The following SLC47A1 variants were observed in gnomAD, a reference collection of about 807,000 sequenced individuals.
SLC47A1 encodes the protein multidrug and toxin extrusion protein 1.
In SLC47A1, 58 loss-of-function variants were observed where a neutral mutation model predicts 65.8. The observed-to-expected ratio is 0.88, with a 90% CI of 0.71 to 1.10. The LOEUF (loss-of-function observed/expected upper bound fraction) is 1.10, where lower values mean the gene tolerates loss of function less well. Ranked by LOEUF, SLC47A1 falls within the 50% of genes least tolerant of loss-of-function variation. The pLI is 0.00. For missense variants in SLC47A1, 706 were observed against 719.2 expected, an observed-to-expected ratio of 0.98 and a Z score of 0.21; for synonymous variants, 285 against 295.0, an observed-to-expected ratio of 0.97 and a Z score of 0.35.
At position 19,549,683 on chromosome 17, in the gene SLC47A1, T is replaced by G; in HGVS notation, c.498+6T>G. 6.2e-7 allele frequency: 1 copy of G among 1,614,160 alleles called. No individual in the cohort carries two copies. The highest frequency in any genetic ancestry group is 8.5e-7 in the Non-Finnish European group (1 of 1,179,970). On this transcript the variant is annotated splice_donor_region_variant and intron_variant, in intron 5 of 16. Transcript: ENST00000270570. ...TCTTCATTCCAGCTCTTCCTGTAAG[T>G]GCTCAAGGGCTAAGAGATTCCCTTC... is the stretch of plus-strand genomic sequence containing the variant.
At chr17:19,571,594 C>A in intron 15 of SLC47A1, 22 bp downstream of exon 15, 2 of 1,584,420 alleles carry the variant, frequency 1.3e-6, no homozygotes, top group Non-Finnish European at 1.7e-6. Flanking sequence ...CATTCTGTCC[C>A]GGTAAAGGTT....
At chr17:19,554,430 T>C (rs1006647640) in intron 6 of SLC47A1, among the ~76,000 whole-genome samples, 15 of 152,014 alleles carry the variant, frequency 9.9e-5, no homozygotes, top group Admixed American at 7.9e-4. Context: ...GAGAGTGGGG[T>C]GTTTTCTTTT....
In SLC47A1 at chr17:19,560,288, T is replaced by C; in HGVS notation, c.1022T>C (p.Leu341Pro). The C allele has an allele frequency of 6.2e-7, 1 of 1,613,642 alleles. No individual in the cohort carries two copies. Residue 341 changes from leucine (L) to proline (P), a missense_variant, in exon 11 of 17, where the codon CTG becomes CCG. Transcript: ENST00000270570. ...CGGAAGTCCTCTACCGTTTCCCTGC[T>C]GATTACAGGTGCTGAGACCCCTTTA... Reference protein sequence around the residue: ...QARKSSTVSLLITVLFAVAFS... With the variant: ...QARKSSTVSLPITVLFAVAFS...
At chr17:19,545,234 G>A (rs1916255168) in intron 2 of SLC47A1, among the ~76,000 whole-genome samples, 1 of 151,568 alleles carries the variant, frequency 6.6e-6, no homozygotes, top group Non-Finnish European at 1.5e-5. Flanking sequence ...TTGTTCTGTT[G>A]CCCAGGCTGG....
Position 19,555,629 on chromosome 17 carries a change from C to A in SLC47A1, c.678C>A (p.Thr226=). The A allele has an allele frequency of 1.2e-6, 2 of 1,614,172 alleles. No individual in the cohort carries two copies. The highest frequency in any genetic ancestry group is 1.7e-6 in the Non-Finnish European group (2 of 1,180,034). ...TGGCAAACTTGATTTCCCAGTACACCCTGGCTCTACTCCTCTTTCTCTACA... is the reference window on the plus strand; with the variant it reads ...TGGCAAACTTGATTTCCCAGTACACACTGGCTCTACTCCTCTTTCTCTACA... ...SALANLISQY[T]LALLLFLYIL... The change falls in exon 8 of 17, where the codon ACC becomes ACA. Residue 226 remains threonine (T), a synonymous_variant. Transcript: ENST00000270570.
intron 12 of SLC47A1, among the ~76,000 whole-genome samples, chr17:19,565,737 C>T (rs958019247): frequency 1.2e-4 from 18 of 152,014 alleles, no homozygotes; most frequent in East Asian, 3.9e-4. Flanking sequence ...CCCGCCACCA[C>T]GCCCGGCTAA....
intron 13 of SLC47A1, 46 bp downstream of exon 13, chr17:19,566,905 A>G (rs2084362472): frequency 6.2e-7 from 1 of 1,603,672 alleles, no homozygotes; most frequent in Non-Finnish European, 8.5e-7. Context: ...TGATCTTCTG[A>G]TGGTGGTAAA....
chr17:19,554,425 TG>T (rs1916546242), intron 6 of SLC47A1, among the ~76,000 whole-genome samples: 1 of 152,058 alleles, frequency 6.6e-6, no homozygotes, highest in Non-Finnish European at 1.5e-5. Flanking sequence ...CACGCGAGAG[TG>T]GGGTGTTTTC....
At chr17:19,562,070 A>G (rs776476754) in intron 12 of SLC47A1, among the ~76,000 whole-genome samples, 10 of 152,204 alleles carry the variant, frequency 6.6e-5, no homozygotes, top group Non-Finnish European at 1.3e-4. Flanking sequence ...TTCGGACTAT[A>G]TAGAAACTTC....
At position 19,578,444 on chromosome 17, in the gene SLC47A1, C is replaced by G. The variant is rs892296919; in HGVS notation, c.*891C>G. On this transcript the variant is annotated 3_prime_UTR_variant, in exon 17 of 17. Transcript: ENST00000270570. ...TTCCTGGGATCAAGCAATCCTTCCA[C>G]CTTGCCCTCCCAAAGTGTTGGGATT... 4.5e-5 allele frequency: 8 copies of G among 177,474 alleles called. No homozygotes were observed. The highest frequency in any genetic ancestry group is 9.6e-5 in the Non-Finnish European group (8 of 83,518). The allele number at this position is 177,474 out of a possible 1,614,324, so 11.0% of individuals were successfully genotyped here. A position where few individuals can be genotyped will look rare whatever the true frequency, so the allele number is the denominator to read the frequency against.
chr17:19,542,352 G>T (rs747265401), intron 1 of SLC47A1, 41 bp from the exon 2 acceptor site: 15 of 1,493,596 alleles, frequency 1.0e-5, no homozygotes, highest in Admixed American at 4.2e-5. Flanking sequence ...TCCCTGCAAT[G>T]GTGGTCACTC....
Position 19,548,148 on chromosome 17 carries a change from G to A in SLC47A1, c.455+15G>A, listed in dbSNP as rs926183077. 8 of 1,603,140 alleles carry A rather than the reference G, an allele frequency of 5.0e-6. No homozygotes were observed. Among genetic ancestry groups the A allele is most frequent in the Non-Finnish European group, 6.8e-6 (8 of 1,173,270 alleles). On this transcript the variant is annotated intron_variant, in intron 4 of 16. Transcript: ENST00000270570. The stretch of plus-strand genomic sequence containing the variant: ...GATGTGTCCAGGTAAGATGGAACCT[G>A]TCGCAGCGGGACTTGGCGTCCATCC...
chr17:19,548,704 T>C (rs951091278), intron 4 of SLC47A1, among the ~76,000 whole-genome samples: 1 of 152,168 alleles, frequency 6.6e-6, no homozygotes, highest in Non-Finnish European at 1.5e-5. Flanking sequence ...TTCAATCATG[T>C]TGGCGAGGCT....
At chr17:19,577,190 T>C in intron 16 of SLC47A1, 137 bp from the exon 17 acceptor site, 1 of 1,244,768 alleles carries the variant, frequency 8.0e-7, no homozygotes. Flanking sequence ...AAGATTTCTT[T>C]TATTTATTCA....
Position 19,566,774 on chromosome 17 carries a change from T to C in SLC47A1, c.1107-16T>C, listed in dbSNP as rs765762689. 2 of 1,613,760 alleles carry C rather than the reference T, an allele frequency of 1.2e-6. No individual in the cohort carries two copies. The highest frequency in any genetic ancestry group is 1.7e-6 in the Non-Finnish European group (2 of 1,179,756). ...ACTTTGTCTCCTAATCACCACGTGC[T>C]TTATTTTCCTAACAGAGACATCATT... On this transcript the variant is annotated splice_polypyrimidine_tract_variant and intron_variant, in intron 12 of 16. Transcript: ENST00000270570.
At chr17:19,547,399 G>A (rs1370087159) in intron 3 of SLC47A1, among the ~76,000 whole-genome samples, 2 of 149,016 alleles carry the variant, frequency 1.3e-5, no homozygotes, top group African/African-American at 5.0e-5. Context: ...CCAGGCTGGA[G>A]TGCAGTGGCA....
At chr17:19,567,405 C>G (rs2084367643) in intron 14 of SLC47A1, among the ~76,000 whole-genome samples, 177 bp downstream of exon 14, 1 of 152,134 alleles carries the variant, frequency 6.6e-6, no homozygotes, top group African/African-American at 2.4e-5. Flanking sequence ...CAGCTCTAGC[C>G]AGGGCCCCAA....
At chr17:19,564,208 G>T (rs890374780) in intron 12 of SLC47A1, among the ~76,000 whole-genome samples, 1 of 151,978 alleles carries the variant, frequency 6.6e-6, no homozygotes, top group Non-Finnish European at 1.5e-5. Flanking sequence ...AAATTTAGCT[G>T]GGCATGGTGG....
At chr17:19,559,225 A>G (rs1378526902) in intron 10 of SLC47A1, among the ~76,000 whole-genome samples, 4 of 152,204 alleles carry the variant, frequency 2.6e-5, no homozygotes, top group Non-Finnish European at 5.9e-5. Flanking sequence ...TGCAGCTGAT[A>G]AAGTGGCTGT....
Sources: gnomAD v4.1 joint callset for allele counts (sites outside exome capture counted in the v4.1 genomes callset) on GRCh38, gnomAD v4.1.1 for gene constraint, MANE v1.5 for transcripts, NCBI Gene and HGNC (gene_info 2026-07-23, HGNC 2026-07-21) for gene names.